SAMSN1: variants seen among roughly 807,000 people sequenced by gnomAD.
The protein encoded by SAMSN1 is SAM domain, SH3 domain and nuclear localization signals 1, also known as SAM domain-containing protein SAMSN-1.
In SAMSN1, 31 loss-of-function variants were observed where a neutral mutation model predicts 42.0. That is an observed-to-expected ratio of 0.74 (90% CI 0.55 to 1.00). The LOEUF (loss-of-function observed/expected upper bound fraction) is 1.00. Among genes scored for constraint, SAMSN1 ranks in the 50% least tolerant of loss-of-function variants. The pLI is 0.00. For missense variants in SAMSN1, 464 were observed against 439.4 expected, an observed-to-expected ratio of 1.06 and a Z score of -0.50; for synonymous variants, 178 against 151.9, an observed-to-expected ratio of 1.17 and a Z score of -1.26.
intron 2 of SAMSN1, 89 bp downstream of exon 2, chr21:14,521,061 C>T: frequency 1.3e-6 from 1 of 789,472 alleles, no homozygotes; most frequent in Non-Finnish European, 2.1e-6. Context: ...ATTCATTTTT[C>T]TTATTTTACT....
Position 14,510,455 on chromosome 21 carries a change from A to T in SAMSN1, c.416T>A (p.Ile139Lys). 1 of 1,614,176 alleles carries T rather than the reference A, an allele frequency of 6.2e-7. No individual in the cohort carries two copies. The highest frequency in any genetic ancestry group is 2.2e-5 in the East Asian group (1 of 44,876). Residue 139 changes from isoleucine to lysine, a missense_variant, in exon 5 of 8, where the codon ATA becomes AAA. Ile to Lys is a moderately radical substitution (Grantham distance 102). Transcript: ENST00000400566. The stretch of plus-strand genomic sequence containing the variant: ...ACTTGTACCATCTGAACAGCTTGTT[A>T]TGCCACCTGATGAAAGCAGAAGTTC... ...LYSGQSSSSG[I>K]TSCSDGTSNR...
intron 1 of SAMSN1, among the ~76,000 whole-genome samples, chr21:14,649,974 A>G (rs1310464044): frequency 6.6e-6 from 1 of 152,220 alleles, no homozygotes; most frequent in Non-Finnish European, 1.5e-5. Context: ...AAAGGGATCA[A>G]TTCAGCAAGA....
At chr21:14,515,888 A>C (rs769898897) in intron 3 of SAMSN1, among the ~76,000 whole-genome samples, 3 of 152,250 alleles carry the variant, frequency 2.0e-5, no homozygotes, top group Non-Finnish European at 2.9e-5. Context: ...AGCACATGAA[A>C]AGATTCTTGA....
chr21:14,632,760 C>A (rs1295156041), intron 2 of SAMSN1, among the ~76,000 whole-genome samples: 2 of 152,180 alleles, frequency 1.3e-5, no homozygotes. Context: ...AAGGTTTCAT[C>A]TGAAGGTTCA....
chr21:14,607,382 C>T (rs1982594736), intron 5 of SAMSN1, among the ~76,000 whole-genome samples: 1 of 152,168 alleles, frequency 6.6e-6, no homozygotes, highest in Non-Finnish European at 1.5e-5. Context: ...AAATTTGAGC[C>T]TACAACTTGT....
chr21:14,499,128 T>C (rs1488588255), intron 6 of SAMSN1, among the ~76,000 whole-genome samples: 2 of 152,216 alleles, frequency 1.3e-5, no homozygotes, highest in African/African-American at 2.4e-5. Flanking sequence ...AAAGGCATTA[T>C]GTAAACCAAA....
intron 5 of SAMSN1, among the ~76,000 whole-genome samples, chr21:14,505,947 C>A (rs1361485770): frequency 6.6e-6 from 1 of 151,964 alleles, no homozygotes; most frequent in African/African-American, 2.4e-5. Flanking sequence ...GCAAAAGGAA[C>A]CTTCAAAACC....
chr21:14,582,988 A>AAG (rs1981798875), intron 1 of SAMSN1, among the ~76,000 whole-genome samples: 2 of 152,202 alleles, frequency 1.3e-5, no homozygotes. Context: ...TCAATCTACC[A>AAG]AGAGATGTAT....
chr21:14,596,209 G>T (rs1368644382), intron 6 of SAMSN1, among the ~76,000 whole-genome samples: 1 of 151,944 alleles, frequency 6.6e-6, no homozygotes, highest in Non-Finnish European at 1.5e-5. Flanking sequence ...CAAGAGATTT[G>T]CATTCCATTT....
At chr21:14,550,249 G>T (rs187081522), upstream of SAMSN1, among the ~76,000 whole-genome samples, 1 of 152,178 alleles carries the variant, frequency 6.6e-6, no homozygotes, top group African/African-American at 2.4e-5. Flanking sequence ...ACTCTCTAAA[G>T]TCACTTACCC....
rs1361108541 is a variant in SAMSN1, at chr21:14,498,611, A to G, written c.769-19T>C. 1 of 1,537,288 alleles carries G rather than the reference A, an allele frequency of 6.5e-7. No homozygotes were observed. The highest frequency in any genetic ancestry group is 8.7e-7 in the Non-Finnish European group (1 of 1,147,708). ...TGTATTCCTGTAAGACAAAAAATATAAAGCAAATTAGTCAGATTCAAATAT... is the reference window on the plus strand; with the variant it reads ...TGTATTCCTGTAAGACAAAAAATATGAAGCAAATTAGTCAGATTCAAATAT... On this transcript the variant is annotated intron_variant, in intron 6 of 7. Transcript: ENST00000400566.
intron 2 of SAMSN1, among the ~76,000 whole-genome samples, chr21:14,581,705 C>T (rs1981737424): frequency 6.6e-6 from 1 of 151,812 alleles, no homozygotes; most frequent in Non-Finnish European, 1.5e-5. Flanking sequence ...TAAGTCCTTA[C>T]CTTATAGAGT....
rs1380629194 is a variant in SAMSN1 at position 14,500,527 on chromosome 21, A to C, written c.768+2T>G. The C allele has an allele frequency of 1.9e-6, 3 of 1,612,884 alleles. No individual in the cohort carries two copies. ...AAGCAAACAGAACACAGATTTGCTC[A>C]CCTGCAGATGAATCCTCTCTAGGAA... On this transcript the variant is annotated splice_donor_variant, in intron 6 of 7. Coordinates refer to ENST00000400566, the MANE Select transcript of SAMSN1 (RefSeq NM_022136.5). LOFTEE classifies it high-confidence loss of function.
intron 5 of SAMSN1, among the ~76,000 whole-genome samples, chr21:14,607,093 T>C (rs1296383854): frequency 6.6e-6 from 1 of 152,202 alleles, no homozygotes; most frequent in Non-Finnish European, 1.5e-5. Context: ...TCCCTATATA[T>C]TTTCTTCTAT....
At position 14,495,982 on chromosome 21, in the gene SAMSN1, G is replaced by C. The variant is rs956975740; in HGVS notation, c.919+2460C>G. 6 of 152,100 alleles carry C rather than the reference G, an allele frequency of 3.9e-5. No homozygotes were observed. In the South Asian group the frequency reaches 1.2e-3, roughly 31 times the overall value. 9.4% of individuals were successfully genotyped at this position (152,100 alleles called of 1,614,324 possible). On this transcript the variant is annotated intron_variant, in intron 7 of 7. Transcript: ENST00000400566. ...CTTTTGCTAGCATAGAAAGGAGACA[G>C]GTGATGAGTGAAGTGGAATGAAAAA...
chr21:14,552,850 A>G (rs1392770358), intron 2 of SAMSN1, among the ~76,000 whole-genome samples: 2 of 152,038 alleles, frequency 1.3e-5, no homozygotes, highest in Non-Finnish European at 2.9e-5. Flanking sequence ...GCTTGCCTCA[A>G]TATCAAATCC....
intron 2 of SAMSN1, among the ~76,000 whole-genome samples, chr21:14,568,542 C>T (rs1981192326): frequency 6.6e-6 from 1 of 152,164 alleles, no homozygotes; most frequent in Non-Finnish European, 1.5e-5. Context: ...CACAAGTACT[C>T]TTCATTCCTT....
At position 14,630,093 on chromosome 21, in the gene SAMSN1, G is replaced by T. The variant is rs146440030; in HGVS notation, c.156+12909C>A. Among the ~76,000 whole-genome samples the T allele has an allele frequency of 4.4e-4, 67 of 152,246 alleles. No individual in the cohort carries two copies. The East Asian group carries it at 0.011, about 25-fold the overall frequency. ...AAAAAAATGTGATAGGAAATCCGAT[G>T]GGTAAAAATGTCAAATTCCATCTTT... On this transcript the variant is annotated intron_variant, in intron 2 of 15. Coordinates refer to the SAMSN1 transcript ENST00000647101.
intron 5 of SAMSN1, among the ~76,000 whole-genome samples, chr21:14,507,066 C>G (rs934074567): frequency 6.6e-6 from 1 of 152,170 alleles, no homozygotes; most frequent in Non-Finnish European, 1.5e-5. Flanking sequence ...CCATCTATGA[C>G]AAACCCACAG....
Sources: allele counts gnomAD v4.1 joint callset (sites outside exome capture counted in the v4.1 genomes callset), GRCh38; gene constraint gnomAD v4.1.1; transcripts MANE v1.5; gene names NCBI Gene and HGNC (gene_info 2026-07-23, HGNC 2026-07-21).